The following NTM variants were observed in gnomAD, a reference collection of about 807,000 sequenced individuals.
NTM encodes IgLON family member 2.
Under a neutral mutation model 42.1 loss-of-function variants are expected in NTM, and 13 were observed. The ratio of observed to expected loss-of-function variants is 0.31; its 90% CI spans 0.20 to 0.49. The LOEUF is 0.49. Among genes scored for constraint, NTM ranks in the 20% least tolerant of loss-of-function variants. The pLI is 0.99. For missense variants in NTM, 373 were observed against 452.8 expected (o/e 0.82, Z 1.60); for synonymous variants, 187 against 179.2 (o/e 1.04, Z -0.35).
At chr11:131,646,547 T>G (rs73592225) in intron 1 of NTM, among the ~76,000 whole-genome samples, 2 of 152,210 alleles carry the variant, frequency 1.3e-5, no homozygotes, top group African/African-American at 2.4e-5. Context: ...ATATGCAGAT[T>G]TTAGATGAAG....
chr11:131,405,474 C>T (rs1249778555), intron 1 of NTM, among the ~76,000 whole-genome samples: 1 of 152,174 alleles, frequency 6.6e-6, no homozygotes, highest in Non-Finnish European at 1.5e-5. Flanking sequence ...CTTTCCTTCA[C>T]CCTTAACATC....
intron 2 of NTM, among the ~76,000 whole-genome samples, chr11:131,985,201 C>T (rs184790683): frequency 1.3e-5 from 2 of 152,236 alleles, no homozygotes; most frequent in East Asian, 3.9e-4. Flanking sequence ...CTTCTAGAGC[C>T]GCAGGTTCAG....
intron 2 of NTM, chr11:131,984,802 T>C (rs1364513562): frequency 6.6e-6 from 1 of 152,236 alleles, no homozygotes. Flanking sequence ...ATATAACTCA[T>C]AGACCTACAT....
At chr11:131,531,619 G>A (rs1413610536) in intron 1 of NTM, among the ~76,000 whole-genome samples, 2 of 152,136 alleles carry the variant, frequency 1.3e-5, no homozygotes, top group Admixed American at 6.5e-5. Context: ...TCTTGGCATA[G>A]AACTAAAATA....
chr11:132,286,013 G>T (rs561682024), intron 4 of NTM, among the ~76,000 whole-genome samples: 1 of 152,294 alleles, frequency 6.6e-6, no homozygotes, highest in African/African-American at 2.4e-5. Context: ...GCTTCCATCT[G>T]CAAGGAAGAC....
At chr11:132,319,412 T>A (rs1041155352) in intron 7 of NTM, among the ~76,000 whole-genome samples, 10 of 152,096 alleles carry the variant, frequency 6.6e-5, no homozygotes, top group African/African-American at 2.4e-4. Flanking sequence ...ATCGAGTCAC[T>A]CCCACCCTAA....
chr11:131,819,705 G>C (rs2093100669), intron 1 of NTM, among the ~76,000 whole-genome samples: 1 of 152,150 alleles, frequency 6.6e-6, no homozygotes, highest in South Asian at 2.1e-4. Flanking sequence ...TTGCCCAGGA[G>C]TCACTCTGGA....
rs1019394140 is a variant in NTM, at chr11:131,599,290, C to T, written c.82+228402C>T. Among the ~76,000 whole-genome samples the T allele has an allele frequency of 9.3e-5, 14 of 150,422 alleles. 2 individuals carry two copies. Among genetic ancestry groups the T allele is most frequent in the Non-Finnish European group, 2.1e-4 (14 of 67,866 alleles). On this transcript the variant is annotated intron_variant, in intron 1 of 8. Transcript: ENST00000683400. ...CAGTCTCCAGCAGATGCCCTGTCTA[C>T]CCAGTCTCCGGCAGATGCCCTGTCT...
At chr11:132,200,346 C>A (rs1218964637) in intron 3 of NTM, among the ~76,000 whole-genome samples, 2 of 152,146 alleles carry the variant, frequency 1.3e-5, no homozygotes, top group African/African-American at 4.8e-5. Context: ...CTGGCATGAG[C>A]AATATTGGGA....
intron 2 of NTM, among the ~76,000 whole-genome samples, chr11:132,089,324 TG>T (rs1566130347): frequency 1.3e-5 from 2 of 152,312 alleles, no homozygotes; most frequent in South Asian, 4.2e-4. Flanking sequence ...GGCAAAGCCT[TG>T]TTTCAATTCT....
At chr11:132,043,592 T>C (rs1170080180) in intron 2 of NTM, among the ~76,000 whole-genome samples, 1 of 152,218 alleles carries the variant, frequency 6.6e-6, no homozygotes, top group Non-Finnish European at 1.5e-5. Flanking sequence ...GGTTCAGTTA[T>C]AGTTTCTGCA....
chr11:131,392,446 C>T (rs1394672365), intron 1 of NTM, among the ~76,000 whole-genome samples: 1 of 152,170 alleles, frequency 6.6e-6, no homozygotes, highest in Non-Finnish European at 1.5e-5. Context: ...CCACAGAGCC[C>T]CTGAAGGGAT....
intron 1 of NTM, among the ~76,000 whole-genome samples, chr11:131,583,815 T>C (rs2058623737): frequency 6.6e-6 from 1 of 152,240 alleles, no homozygotes; most frequent in Non-Finnish European, 1.5e-5. Flanking sequence ...AAATTTCTTA[T>C]GGATTTCTTC....
intron 1 of NTM, among the ~76,000 whole-genome samples, chr11:131,580,278 T>C (rs1365765648): frequency 6.6e-6 from 1 of 152,202 alleles, no homozygotes; most frequent in Non-Finnish European, 1.5e-5. Context: ...TTATCACAGA[T>C]TGGACTTCAT....
At chr11:131,874,034 T>TTATATATATATATAATAATATAATATA (rs2048217838) in intron 1 of NTM, among the ~76,000 whole-genome samples, 4 of 25,502 alleles carry the variant, frequency 1.6e-4, no homozygotes, top group East Asian at 1.2e-3. Flanking sequence ...TAATATAATA[T>TTATATATATATATAATAATATAATATA]ATATATATAT....
At chr11:132,202,242 G>A (rs868098946) in intron 3 of NTM, among the ~76,000 whole-genome samples, 16 of 152,138 alleles carry the variant, frequency 1.1e-4, no homozygotes, top group African/African-American at 3.9e-4. Context: ...TCGACTACAC[G>A]GTGGGGAATC....
chr11:131,453,935 C>A (rs1184104220), intron 1 of NTM, among the ~76,000 whole-genome samples: 3 of 152,228 alleles, frequency 2.0e-5, no homozygotes, highest in African/African-American at 7.2e-5. Context: ...GCAAGCTGGG[C>A]TGAACCTGTC....
At chr11:131,681,636 CG>C (rs2072908848) in intron 1 of NTM, among the ~76,000 whole-genome samples, 6 of 42,540 alleles carry the variant, frequency 1.4e-4, no homozygotes, top group African/African-American at 2.8e-4. Context: ...TGTGTGTGAG[CG>C]TGTGTGTTTC....
At chr11:131,822,772 G>C (rs573760340) in intron 1 of NTM, among the ~76,000 whole-genome samples, 9 of 152,262 alleles carry the variant, frequency 5.9e-5, no homozygotes, top group South Asian at 2.1e-4. Context: ...ATGAGAAAGG[G>C]GAACTTATGA....
Sources: gnomAD v4.1 joint callset for allele counts (sites outside exome capture counted in the v4.1 genomes callset) on GRCh38, gnomAD v4.1.1 for gene constraint, MANE v1.5 for transcripts, NCBI Gene and HGNC (gene_info 2026-07-23, HGNC 2026-07-21) for gene names.